Variants in MDGA2 observed in about 807,000 individuals in gnomAD.
MDGA2 encodes MAM domain containing glycosylphosphatidylinositol anchor 2.
Under a neutral mutation model 117.8 loss-of-function variants are expected in MDGA2, and 40 were observed. The ratio of observed to expected loss-of-function variants is 0.34; its 90% CI spans 0.26 to 0.44. The LOEUF (loss-of-function observed/expected upper bound fraction) is 0.44, where lower values mean the gene tolerates loss of function less well. MDGA2 is among the 20% of genes least tolerant of loss of function. The pLI is 1.00. For missense variants in MDGA2, 1,123 were observed against 1,250.6 expected, an observed-to-expected ratio of 0.90 and a Z score of 1.54; for synonymous variants, 452 against 439.0, an observed-to-expected ratio of 1.03 and a Z score of -0.37.
chr14:47,315,595 T>C (rs1889783235), intron 1 of MDGA2, among the ~76,000 whole-genome samples: 1 of 152,076 alleles, frequency 6.6e-6, no homozygotes, highest in African/African-American at 2.4e-5. Context: ...CAACAGCTTC[T>C]TGCACTCTTC....
intron 1 of MDGA2, among the ~76,000 whole-genome samples, chr14:47,495,360 T>C (rs1325673339): frequency 6.6e-6 from 1 of 151,960 alleles, no homozygotes; most frequent in Non-Finnish European, 1.5e-5. Context: ...GATTTTACCA[T>C]TACACAATAC....
chr14:47,352,758 C>T (rs1890911607), intron 1 of MDGA2, among the ~76,000 whole-genome samples: 1 of 151,946 alleles, frequency 6.6e-6, no homozygotes, highest in Non-Finnish European at 1.5e-5. Flanking sequence ...TGTCATTAAT[C>T]TTTTTTTTGT....
chr14:47,469,283 T>C (rs1893668704), intron 1 of MDGA2, among the ~76,000 whole-genome samples: 1 of 151,990 alleles, frequency 6.6e-6, no homozygotes, highest in Admixed American at 6.6e-5. Flanking sequence ...ATTAGGTATA[T>C]CTCCTAATGC....
chr14:47,663,569 G>C (rs1037530139), intron 1 of MDGA2, among the ~76,000 whole-genome samples: 9 of 152,302 alleles, frequency 5.9e-5, no homozygotes, highest in African/African-American at 2.2e-4. Context: ...GCTTTCTTAG[G>C]TATGTGGCTG....
chr14:46,864,534 C>A (rs1881648017), intron 14 of MDGA2, among the ~76,000 whole-genome samples: 1 of 73,042 alleles, frequency 1.4e-5, no homozygotes, highest in Non-Finnish European at 2.9e-5. Flanking sequence ...TTGCGCTTTG[C>A]AGATATTGCT....
intron 1 of MDGA2, among the ~76,000 whole-genome samples, chr14:47,394,012 C>A (rs1373195433): frequency 6.6e-6 from 1 of 152,070 alleles, no homozygotes; most frequent in Non-Finnish European, 1.5e-5. Flanking sequence ...TCATGTTCTC[C>A]AAATACAAAA....
chr14:47,239,141 T>C (rs549418204), intron 2 of MDGA2, among the ~76,000 whole-genome samples: 1 of 151,154 alleles, frequency 6.6e-6, no homozygotes, highest in South Asian at 2.1e-4. Flanking sequence ...GGGCCTAATA[T>C]GAACCTCATG....
intron 2 of MDGA2, among the ~76,000 whole-genome samples, chr14:47,254,281 C>A (rs776962811): frequency 4.6e-5 from 7 of 152,302 alleles, no homozygotes; most frequent in Middle Eastern, 6.8e-3. Flanking sequence ...TATTTTCTAT[C>A]ACATTGTCAG....
At chr14:47,578,969 T>C (rs1003658688) in intron 1 of MDGA2, among the ~76,000 whole-genome samples, 1 of 152,168 alleles carries the variant, frequency 6.6e-6, no homozygotes, top group Non-Finnish European at 1.5e-5. Flanking sequence ...TATATGAATA[T>C]CTTACCCTTA....
At chr14:47,554,467 T>C (rs1895646567) in intron 1 of MDGA2, among the ~76,000 whole-genome samples, 1 of 152,174 alleles carries the variant, frequency 6.6e-6, no homozygotes, top group Non-Finnish European at 1.5e-5. Flanking sequence ...ATCTGGTGGA[T>C]AGGAATACTA....
chr14:47,613,832 T>A (rs1023241535), intron 1 of MDGA2, among the ~76,000 whole-genome samples: 1 of 152,174 alleles, frequency 6.6e-6, no homozygotes, highest in Non-Finnish European at 1.5e-5. Context: ...ATTTTACCTA[T>A]ACTTTTATAT....
chr14:47,193,538 A>G (rs1350786466), intron 3 of MDGA2, among the ~76,000 whole-genome samples: 2 of 152,114 alleles, frequency 1.3e-5, no homozygotes, highest in African/African-American at 4.8e-5. Context: ...TGATCTCTCA[A>G]TGTATATAAG....
intron 1 of MDGA2, among the ~76,000 whole-genome samples, chr14:47,427,821 G>A (rs1007862174): frequency 2.0e-5 from 3 of 151,964 alleles, no homozygotes; most frequent in Admixed American, 6.6e-5. Context: ...CTAAACATTT[G>A]ATTCAGTGCA....
chr14:47,622,626 G>C (rs1308185643), intron 1 of MDGA2, among the ~76,000 whole-genome samples: 1 of 152,190 alleles, frequency 6.6e-6, no homozygotes, highest in Non-Finnish European at 1.5e-5. Context: ...GACGAAAGCT[G>C]ATCTTTAGGA....
chr14:47,526,395 G>C (rs542607550), intron 1 of MDGA2, among the ~76,000 whole-genome samples: 2 of 152,212 alleles, frequency 1.3e-5, no homozygotes, highest in African/African-American at 4.8e-5. Flanking sequence ...TTAAGTGTGA[G>C]TTTTGGGATT....
At chr14:47,171,384 A>T (rs928226554) in intron 3 of MDGA2, among the ~76,000 whole-genome samples, 12 of 152,184 alleles carry the variant, frequency 7.9e-5, no homozygotes, top group Admixed American at 2.6e-4. Flanking sequence ...AATATCAAAC[A>T]ATTTCACACT....
At chr14:47,544,117 T>C (rs969476545) in intron 1 of MDGA2, among the ~76,000 whole-genome samples, 3 of 152,120 alleles carry the variant, frequency 2.0e-5, no homozygotes, top group Non-Finnish European at 4.4e-5. Context: ...ACATTTGAAA[T>C]ATAAAGACTA....
chr14:46,956,730 A>C (rs1885576578), intron 9 of MDGA2, among the ~76,000 whole-genome samples: 1 of 152,128 alleles, frequency 6.6e-6, no homozygotes, highest in African/African-American at 2.4e-5. Flanking sequence ...AACACTCAAA[A>C]TAACTGATAT....
chr14:47,176,442 C>G (rs947484570), intron 3 of MDGA2, among the ~76,000 whole-genome samples: 1 of 152,056 alleles, frequency 6.6e-6, no homozygotes, highest in Non-Finnish European at 1.5e-5. Context: ...GGTACTGGTA[C>G]CAAAACAGAT....
Sources: gnomAD v4.1 joint callset for allele counts (sites outside exome capture counted in the v4.1 genomes callset) on GRCh38, gnomAD v4.1.1 for gene constraint, MANE v1.5 for transcripts, NCBI Gene and HGNC (gene_info 2026-07-23, HGNC 2026-07-21) for gene names.